EIF3L: variants seen among roughly 807,000 people sequenced by gnomAD.
The protein encoded by EIF3L is eukaryotic translation initiation factor 3 subunit L.
EIF3L carries 32 observed loss-of-function variants against 74.6 expected under a neutral mutation model. The ratio of observed to expected loss-of-function variants is 0.43; its 90% CI spans 0.32 to 0.58. EIF3L has a LOEUF of 0.58. Among genes scored for constraint, EIF3L ranks in the 20% least tolerant of loss-of-function variants. EIF3L has a pLI of 0.06. For missense variants in EIF3L, 474 were observed against 707.8 expected (o/e 0.67, Z 3.75); for synonymous variants, 256 against 254.4 (o/e 1.01, Z -0.06).
At chr22:37,879,722 C>T (rs1435670729) in intron 11 of EIF3L, 1 of 152,104 alleles carries the variant, frequency 6.6e-6, no homozygotes, top group Non-Finnish European at 1.5e-5. Context: ...TGTCCTGCTG[C>T]CTTCTTTATT....
chr22:37,853,377 G>A (rs1925332660), intron 3 of EIF3L, among the ~76,000 whole-genome samples: 1 of 152,242 alleles, frequency 6.6e-6, no homozygotes, highest in African/African-American at 2.4e-5. Flanking sequence ...AAGGACAGTT[G>A]GAAGAGGGCC....
At chr22:37,883,189 C>T (rs886683799) in intron 11 of EIF3L, 4 of 141,484 alleles carry the variant, frequency 2.8e-5, no homozygotes, top group Admixed American at 7.3e-5. Flanking sequence ...TCAGCTACTC[C>T]GGAGGCTGAG....
chr22:37,881,827 G>A (rs1395140913), intron 11 of EIF3L: 3 of 152,144 alleles, frequency 2.0e-5, no homozygotes. Flanking sequence ...TCAGCTCTTT[G>A]ATGCTGTAAG....
At chr22:37,849,913 G>A (rs901140390) in intron 1 of EIF3L, 102 bp from the exon 2 acceptor site, 1 of 1,292,348 alleles carries the variant, frequency 7.7e-7, no homozygotes, top group Non-Finnish European at 1.1e-6. Context: ...TGTCTTATTC[G>A]CCTCTGTATC....
At position 37,867,397 on chromosome 22, in the gene EIF3L, G is replaced by T. The variant is rs185900367; in HGVS notation, c.580-2779G>T. ...ATTCTGGCCGGGCGCAGTGGCTCAC[G>T]CCTGTAATCTTAGCACTCTGGGAGG... On this transcript the variant is annotated intron_variant, in intron 7 of 12. Coordinates refer to ENST00000652021, the MANE Select transcript of EIF3L (RefSeq NM_016091.4). 2.9e-4 allele frequency among the ~76,000 whole-genome samples: 44 copies of T among 152,144 alleles called. No individual in the cohort carries two copies. The East Asian group carries it at 7.5e-3, about 26-fold the overall frequency.
At chr22:37,876,180 A>G in intron 10 of EIF3L, 169 bp downstream of exon 10, 1 of 663,186 alleles carries the variant, frequency 1.5e-6, no homozygotes, top group Non-Finnish European at 2.5e-6. Flanking sequence ...ACCCAGCTGG[A>G]GTGCAGTGAC....
At chr22:37,863,199 A>G in intron 6 of EIF3L, 73 bp from the exon 7 acceptor site, 1 of 1,374,986 alleles carries the variant, frequency 7.3e-7, no homozygotes, top group East Asian at 2.3e-5. Flanking sequence ...GAGAAATTAC[A>G]AAGCATTCTG....
At chr22:37,858,179 A>AC (rs1925638520) in intron 4 of EIF3L, among the ~76,000 whole-genome samples, 1 of 151,446 alleles carries the variant, frequency 6.6e-6, no homozygotes, top group Non-Finnish European at 1.5e-5. Context: ...CTGTCTTCAA[A>AC]CAAACAAACA....
At chr22:37,854,424 G>C (rs920431422) in intron 3 of EIF3L, among the ~76,000 whole-genome samples, 14 of 152,046 alleles carry the variant, frequency 9.2e-5, no homozygotes, top group African/African-American at 1.7e-4. Context: ...GGACATAAAG[G>C]GTCACTGAGT....
At chr22:37,888,114 C>T (rs1304016891) in intron 12 of EIF3L, 2 of 296,972 alleles carry the variant, frequency 6.7e-6, no homozygotes, top group African/African-American at 4.3e-5. Flanking sequence ...CAAAGCTTCT[C>T]ATTCTTCCCC....
At chr22:37,855,099 A>G (rs887661504) in intron 3 of EIF3L, among the ~76,000 whole-genome samples, 1 of 152,186 alleles carries the variant, frequency 6.6e-6, no homozygotes, top group Non-Finnish European at 1.5e-5. Context: ...CAGGTTTGTC[A>G]AGTAGCAGTG....
chr22:37,857,090 G>A (rs1474701952), intron 4 of EIF3L, among the ~76,000 whole-genome samples: 2 of 151,404 alleles, frequency 1.3e-5, no homozygotes, highest in Non-Finnish European at 2.9e-5. Flanking sequence ...GGCCAGGCGC[G>A]GTGGCTCATG....
chr22:37,886,680 A>C, intron 11 of EIF3L, 85 bp from the exon 12 acceptor site: 1 of 1,126,118 alleles, frequency 8.9e-7, no homozygotes, highest in Non-Finnish European at 1.3e-6. Flanking sequence ...CATCATTATC[A>C]CTTGCAAGTC....
At chr22:37,859,940 A>G (rs993336612) in intron 5 of EIF3L, among the ~76,000 whole-genome samples, 2 of 151,970 alleles carry the variant, frequency 1.3e-5, no homozygotes, top group Non-Finnish European at 2.9e-5. Context: ...TGAACCCGGG[A>G]AGCGGAGGTT....
Position 37,889,086 on chromosome 22 carries a change from G to T in EIF3L, c.*622G>T, listed in dbSNP as rs1159014414. The stretch of plus-strand genomic sequence containing the variant: ...TTTTTTTTAGACGGAGTCTCACTCT[G>T]TCGCCCAGGTTGGAGTGTACTGGCG... On this transcript the variant is annotated 3_prime_UTR_variant, in exon 13 of 13. Coordinates refer to ENST00000652021, the MANE Select transcript of EIF3L (RefSeq NM_016091.4). The T allele has an allele frequency of 6.6e-6, 1 of 152,196 alleles. No homozygotes were observed. The highest frequency in any genetic ancestry group is 1.5e-5 in the Non-Finnish European group (1 of 68,150). The allele number at this position is 152,196 out of a possible 1,614,324, so 9.4% of individuals were successfully genotyped here.
rs34020382 is a variant in EIF3L at position 37,859,374 on chromosome 22, CTTTTTTT to C, written c.435+649_435+655del. ...CTAAATTATAGAGTACGTGAAGTTTCTTTTTTTTTTTTTTTTTTTTTGAGAGAGAGTG... is the reference window on the plus strand; with the variant it reads ...CTAAATTATAGAGTACGTGAAGTTTCTTTTTTTTTTTTTTGAGAGAGAGTG... On this transcript the variant is annotated intron_variant, in intron 5 of 12. Coordinates refer to ENST00000652021, the MANE Select transcript of EIF3L (RefSeq NM_016091.4). 6.3e-4 allele frequency among the ~76,000 whole-genome samples: 50 copies of C among 79,144 alleles called. 2 individuals are homozygous for C. Among genetic ancestry groups the C allele is most frequent in the African/African-American group, 2.0e-3 (35 of 17,628 alleles). 51.9% of individuals were successfully genotyped at this position (79,144 alleles called of 152,430 possible). A position where few individuals can be genotyped will look rare whatever the true frequency, so the allele number is the denominator to read the frequency against.
rs539214194 is a variant in EIF3L at position 37,867,977 on chromosome 22, G to GA, written c.580-2190dup. The stretch of plus-strand genomic sequence containing the variant: ...CTCAAAAAAAAAAAAAAAAGAAAAA[G>GA]AAAAAAAAATCATACTTTTCTGATT... On this transcript the variant is annotated intron_variant, in intron 7 of 12. Transcript: ENST00000652021. 3.6e-3 allele frequency among the ~76,000 whole-genome samples: 536 copies of GA among 147,098 alleles called. 4 individuals are homozygous for GA. Among genetic ancestry groups the GA allele is most frequent in the African/African-American group, 0.011 (436 of 40,114 alleles).
At chr22:37,857,445 G>A (rs1442107986) in intron 4 of EIF3L, among the ~76,000 whole-genome samples, 5 of 151,114 alleles carry the variant, frequency 3.3e-5, no homozygotes, top group Admixed American at 1.3e-4. Flanking sequence ...ATTTATTTAG[G>A]TCTTTGGTTG....
chr22:37,872,809 A>G (rs1926544703), intron 8 of EIF3L, among the ~76,000 whole-genome samples: 1 of 149,646 alleles, frequency 6.7e-6, no homozygotes, highest in African/African-American at 2.5e-5. Context: ...TTTTTTTGGT[A>G]GAAACAAGGT....
Sources: allele counts gnomAD v4.1 joint callset (sites outside exome capture counted in the v4.1 genomes callset), GRCh38; gene constraint gnomAD v4.1.1; transcripts MANE v1.5; gene names NCBI Gene and HGNC (gene_info 2026-07-23, HGNC 2026-07-21).